The following CCSER2 variants were observed in gnomAD, a reference collection of about 807,000 sequenced individuals.
CCSER2 encodes serine-rich coiled-coil domain-containing protein 2.
A neutral mutation model predicts 92.3 loss-of-function variants in CCSER2; 46 were observed. That is an observed-to-expected ratio of 0.50 (90% CI 0.39 to 0.64). The LOEUF (loss-of-function observed/expected upper bound fraction) is 0.64. Among genes scored for constraint, CCSER2 ranks in the 30% least tolerant of loss-of-function variants. The pLI is 0.00. For synonymous variants in CCSER2, 433 were observed against 431.4 expected, an observed-to-expected ratio of 1.00 and a Z score of -0.04; for missense variants, 1,244 against 1,238.9, an observed-to-expected ratio of 1.00 and a Z score of -0.06.
In CCSER2 at chr10:84,391,235, G is replaced by T. The variant is rs1351681413; in HGVS notation, c.1614+17420G>T. ...GTGTAAGAGACAATGAGGAAAACTT[G>T]CCCAAGCCATGCTAAACAATGCTCA... is the stretch of plus-strand genomic sequence containing the variant. On this transcript the variant is annotated intron_variant, in intron 3 of 9. Coordinates refer to ENST00000372088, the MANE Select transcript of CCSER2 (RefSeq NM_001284240.2). 5 of 1,277,962 alleles carry T rather than the reference G, an allele frequency of 3.9e-6. No individual in the cohort carries two copies. In the African/African-American group the frequency reaches 7.3e-5, roughly 19 times the overall value. 79.2% of individuals were successfully genotyped at this position (1,277,962 alleles called of 1,614,324 possible).
intron 9 of CCSER2, among the ~76,000 whole-genome samples, chr10:84,502,367 CTTTT>C (rs562377515): frequency 9.0e-6 from 1 of 111,256 alleles, no homozygotes; most frequent in Non-Finnish European, 1.8e-5. Flanking sequence ...TTGATGACTT[CTTTT>C]TTTTTTTTTT....
intron 5 of CCSER2, among the ~76,000 whole-genome samples, chr10:84,437,799 G>A (rs935261133): frequency 1.0e-4 from 14 of 134,108 alleles, no homozygotes; most frequent in Admixed American, 6.5e-4. Flanking sequence ...TGCAACCTCC[G>A]CCTCCCAGGT....
chr10:84,416,408 C>T (rs1056460885), intron 3 of CCSER2, among the ~76,000 whole-genome samples: 10 of 152,018 alleles, frequency 6.6e-5, no homozygotes, highest in African/African-American at 1.7e-4. Context: ...CTCCTGTTTG[C>T]TTTAAATGTG....
chr10:84,483,917 T>G (rs1169155224), intron 9 of CCSER2, among the ~76,000 whole-genome samples: 10 of 140,156 alleles, frequency 7.1e-5, no homozygotes, highest in Non-Finnish European at 1.5e-4. Flanking sequence ...CCCAAGTAGC[T>G]GATACCACAG....
intron 3 of CCSER2, among the ~76,000 whole-genome samples, chr10:84,395,592 C>G (rs958375450): frequency 9.2e-5 from 14 of 152,128 alleles, no homozygotes; most frequent in African/African-American, 3.4e-4. Context: ...TTTCCTGGTC[C>G]TGGGAGTCAG....
chr10:84,412,812 T>C (rs543709752), intron 3 of CCSER2, among the ~76,000 whole-genome samples: 1 of 152,314 alleles, frequency 6.6e-6, no homozygotes, highest in Non-Finnish European at 1.5e-5. Flanking sequence ...AGCCAGCAAG[T>C]CTAGCAGACA....
At chr10:84,352,076 G>T (rs889830799) in intron 1 of CCSER2, among the ~76,000 whole-genome samples, 1 of 152,068 alleles carries the variant, frequency 6.6e-6, no homozygotes, top group Non-Finnish European at 1.5e-5. Context: ...CGAGGCAGGC[G>T]GATCACGAGG....
intron 5 of CCSER2, among the ~76,000 whole-genome samples, chr10:84,437,180 G>C (rs1047475316): frequency 7.2e-5 from 11 of 151,812 alleles, no homozygotes; most frequent in African/African-American, 2.7e-4. Flanking sequence ...GAGAGACAGA[G>C]AGACAGAGAG....
At chr10:84,401,169 T>C (rs2133313789) in intron 3 of CCSER2, among the ~76,000 whole-genome samples, 1 of 152,036 alleles carries the variant, frequency 6.6e-6, no homozygotes, top group South Asian at 2.1e-4. Flanking sequence ...AAAAATCAAA[T>C]TAATTCCAAA....
intron 9 of CCSER2, among the ~76,000 whole-genome samples, chr10:84,492,473 T>C (rs997422973): frequency 5.3e-5 from 8 of 152,188 alleles, no homozygotes; most frequent in Non-Finnish European, 8.8e-5. Flanking sequence ...CTTCTTTGCA[T>C]TATGTCACCA....
At chr10:84,491,733 C>T (rs1007042453) in intron 9 of CCSER2, among the ~76,000 whole-genome samples, 1 of 152,128 alleles carries the variant, frequency 6.6e-6, no homozygotes, top group Non-Finnish European at 1.5e-5. Context: ...ACTCTGTGGG[C>T]TGCATACACT....
intron 1 of CCSER2, among the ~76,000 whole-genome samples, chr10:84,366,016 T>G (rs562991896): frequency 1.3e-5 from 2 of 152,356 alleles, no homozygotes; most frequent in Admixed American, 1.3e-4. Context: ...CCACTGTCCC[T>G]TGCTCTGCTC....
chr10:84,475,980 T>TG (rs1490523707), intron 8 of CCSER2, among the ~76,000 whole-genome samples: 2 of 152,018 alleles, frequency 1.3e-5, no homozygotes, highest in Non-Finnish European at 2.9e-5. Flanking sequence ...TACAGGCACA[T>TG]GCTACCATGC....
intron 7 of CCSER2, among the ~76,000 whole-genome samples, chr10:84,467,709 ACTTGTTGTT>A (rs1387459591): frequency 6.6e-6 from 1 of 152,116 alleles, no homozygotes; most frequent in Non-Finnish European, 1.5e-5. Context: ...CTTTGGACAT[ACTTGTTGTT>A]CTTCTGTATT....
chr10:84,338,711 C>T (rs1843990450), intron 1 of CCSER2, among the ~76,000 whole-genome samples: 1 of 152,100 alleles, frequency 6.6e-6, no homozygotes. Flanking sequence ...AGCAACTTTT[C>T]CAGGGAAATT....
At chr10:84,483,997 A>ATATATATGT (rs1289207905) in intron 9 of CCSER2, among the ~76,000 whole-genome samples, 1 of 75,534 alleles carries the variant, frequency 1.3e-5, no homozygotes. Flanking sequence ...ATATATATAT[A>ATATATATGT]ATTTTTTTTT....
At chr10:84,340,936 A>T (rs544940955) in intron 1 of CCSER2, among the ~76,000 whole-genome samples, 1 of 152,256 alleles carries the variant, frequency 6.6e-6, no homozygotes, top group South Asian at 2.1e-4. Flanking sequence ...ACAATGTGAT[A>T]AGTATGGTAA....
chr10:84,338,507 C>T (rs961060092), intron 1 of CCSER2, among the ~76,000 whole-genome samples: 4 of 151,984 alleles, frequency 2.6e-5, no homozygotes, highest in Non-Finnish European at 5.9e-5. Flanking sequence ...GCAGGATCTA[C>T]GTCGTTGAAA....
intron 1 of CCSER2, among the ~76,000 whole-genome samples, chr10:84,340,402 A>C (rs1457657012): frequency 6.6e-6 from 1 of 152,196 alleles, no homozygotes; most frequent in Admixed American, 6.5e-5. Flanking sequence ...TAATTATCCA[A>C]TGTTGACCCA....
Sources: gnomAD v4.1 joint callset for allele counts (sites outside exome capture counted in the v4.1 genomes callset) on GRCh38, gnomAD v4.1.1 for gene constraint, MANE v1.5 for transcripts, NCBI Gene and HGNC (gene_info 2026-07-23, HGNC 2026-07-21) for gene names.